Variants in FNTB observed in about 807,000 individuals in gnomAD.
FNTB encodes the protein farnesyltransferase, CAAX box, subunit beta.
In FNTB, 27 loss-of-function variants were observed where a neutral mutation model predicts 59.4. The observed-to-expected ratio is 0.45, with a 90% CI of 0.34 to 0.63. The LOEUF is 0.63. Ranked by LOEUF, FNTB falls within the 20% of genes least tolerant of loss-of-function variation. FNTB has a pLI of 0.02. For synonymous variants in FNTB, 230 were observed against 220.7 expected, an observed-to-expected ratio of 1.04 and a Z score of -0.37; for missense variants, 449 against 559.6, an observed-to-expected ratio of 0.80 and a Z score of 1.99.
chr14:65,015,538 G>T, intron 3 of FNTB, 87 bp from the exon 4 acceptor site: 1 of 1,416,184 alleles, frequency 7.1e-7, no homozygotes, highest in Middle Eastern at 1.9e-4. Flanking sequence ...TTGCCAGGCT[G>T]CTGGGAGTGA....
chr14:65,059,019 T>C (rs2062803676), intron 11 of FNTB, among the ~76,000 whole-genome samples: 1 of 152,182 alleles, frequency 6.6e-6, no homozygotes, highest in South Asian at 2.1e-4. Flanking sequence ...TCTTACCTTT[T>C]TTCTTTTTCT....
chr14:65,049,849 C>CA (rs1418116222), intron 9 of FNTB, among the ~76,000 whole-genome samples: 1 of 151,998 alleles, frequency 6.6e-6, no homozygotes, highest in Non-Finnish European at 1.5e-5. Flanking sequence ...AGTTGCGAAC[C>CA]ATCATGACAA....
In FNTB at chr14:65,012,441, C is replaced by T; in HGVS notation, c.282+52C>T. 1 of 1,608,604 alleles carries T rather than the reference C, an allele frequency of 6.2e-7. No individual in the cohort carries two copies. Among genetic ancestry groups the T allele is most frequent in the Non-Finnish European group, 8.5e-7 (1 of 1,175,664 alleles). ...CTGTCAAATTATCCACCAAATCCTC[C>T]TCCTTTTTCTATTTAAACGTAAAAG... On this transcript the variant is annotated intron_variant, in intron 3 of 11. Transcript: ENST00000246166. The surrounding 1 kb of genome is among the most constrained non-coding windows in gnomAD (Gnocchi z 5.0).
chr14:64,997,858 G>A lies in FNTB; in HGVS notation c.145-6391G>A, dbSNP rs1888460303. 6.6e-6 allele frequency among the ~76,000 whole-genome samples: 1 copy of A among 152,192 alleles called. No homozygotes were observed. ...CAAATGGAGATTTCCTTTTATAGAT[G>A]TAATTTTCCCTTACAAATGAGGTAA... On this transcript the variant is annotated intron_variant, in intron 1 of 11. Coordinates refer to ENST00000246166, the MANE Select transcript of FNTB (RefSeq NM_002028.4). This position sits in a 1 kb window ranked among gnomAD's most constrained non-coding sequence, Gnocchi z 4.5.
At chr14:65,020,472 C>G (rs137953315) in intron 4 of FNTB, among the ~76,000 whole-genome samples, 1 of 152,132 alleles carries the variant, frequency 6.6e-6, no homozygotes, top group Non-Finnish European at 1.5e-5. Flanking sequence ...GTTGCCCAGA[C>G]TGGAGTGCAG....
intron 4 of FNTB, among the ~76,000 whole-genome samples, chr14:65,019,048 C>T (rs1180118552): frequency 6.6e-6 from 1 of 152,130 alleles, no homozygotes; most frequent in African/African-American, 2.4e-5. Flanking sequence ...TCTGTTACTG[C>T]ACTCCCGGCT....
chr14:65,034,864 T>C (rs1412127536), intron 7 of FNTB, among the ~76,000 whole-genome samples: 1 of 152,198 alleles, frequency 6.6e-6, no homozygotes, highest in Non-Finnish European at 1.5e-5. Flanking sequence ...CATTGTGATA[T>C]GATGGTGGAG....
At chr14:65,049,660 A>AT (rs2062563508) in intron 9 of FNTB, among the ~76,000 whole-genome samples, 2 of 152,298 alleles carry the variant, frequency 1.3e-5, no homozygotes, top group South Asian at 4.1e-4. Flanking sequence ...TCAGACTCTA[A>AT]TTTTAGCCAC....
At chr14:65,019,392 CAGG>C (rs2061845069) in intron 4 of FNTB, among the ~76,000 whole-genome samples, 1 of 151,796 alleles carries the variant, frequency 6.6e-6, no homozygotes, top group South Asian at 2.1e-4. Context: ...GAGACTGAAG[CAGG>C]AGAATTGCTT....
chr14:65,054,814 C>T lies in FNTB; in HGVS notation c.1182+125C>T, dbSNP rs966004826. The T allele has an allele frequency of 1.2e-5, 13 of 1,063,012 alleles. No homozygotes were observed. The highest frequency in any genetic ancestry group is 1.8e-5 in the Non-Finnish European group (13 of 736,320). 65.8% of individuals were successfully genotyped at this position (1,063,012 alleles called of 1,614,324 possible). ...CAGGCGGAAGCTTGTGGTCCCTCTG[C>T]CCTTCGAGCTGTGCAGCCGTTAGTG... is the stretch of plus-strand genomic sequence containing the variant. On this transcript the variant is annotated intron_variant, in intron 11 of 11. Coordinates refer to ENST00000246166, the MANE Select transcript of FNTB (RefSeq NM_002028.4). This position sits in a 1 kb window ranked among gnomAD's most constrained non-coding sequence, Gnocchi z 4.4.
chr14:64,988,914 G>A (rs117960406), intron 1 of FNTB, among the ~76,000 whole-genome samples: 1,799 of 152,122 alleles, frequency 0.012, 17 homozygotes, highest in South Asian at 0.019. Flanking sequence ...TCATGTTAGT[G>A]ACCATTTATT....
Position 65,028,124 on chromosome 14 carries a change from G to A in FNTB, c.605+343G>A, listed in dbSNP as rs1436101415. Reference sequence around the variant, plus strand: ...TCACCTCTCTGAGATAGGAAGGGAGGGGAAAGTCCAGCAGGGCCTCAGTAA... The same window carrying A: ...TCACCTCTCTGAGATAGGAAGGGAGAGGAAAGTCCAGCAGGGCCTCAGTAA... On this transcript the variant is annotated intron_variant, in intron 6 of 11. Transcript: ENST00000246166. This position sits in a 1 kb window ranked among gnomAD's most constrained non-coding sequence, Gnocchi z 4.4. Among the ~76,000 whole-genome samples the A allele has an allele frequency of 1.3e-5, 2 of 152,148 alleles. No homozygotes were observed. The highest frequency in any genetic ancestry group is 2.9e-5 in the Non-Finnish European group (2 of 68,032).
chr14:65,015,349 C>G (rs941078781), intron 3 of FNTB, among the ~76,000 whole-genome samples: 3 of 151,636 alleles, frequency 2.0e-5, no homozygotes, highest in Non-Finnish European at 2.9e-5. Context: ...ATGATCCACC[C>G]ACCTTGGCCT....
rs2061688256 is a variant in FNTB at position 65,011,843 on chromosome 14, G to T, written c.210-474G>T. Reference sequence around the variant, plus strand: ...TAATAGTTGGATAACCGAGAGGCAGGCAGGGAGTAAATTATGGGCCTTGGA... The same window carrying T: ...TAATAGTTGGATAACCGAGAGGCAGTCAGGGAGTAAATTATGGGCCTTGGA... On this transcript the variant is annotated intron_variant, in intron 2 of 11. Transcript: ENST00000246166. This position sits in a 1 kb window ranked among gnomAD's most constrained non-coding sequence, Gnocchi z 4.0. Among the ~76,000 whole-genome samples the T allele has an allele frequency of 6.6e-6, 1 of 152,226 alleles. No homozygotes were observed. Among genetic ancestry groups the T allele is most frequent in the Admixed American group, 6.5e-5 (1 of 15,280 alleles).
rs1348570411 is a variant in FNTB at position 65,023,140 on chromosome 14, C to G, written c.375-4313C>G. Among the ~76,000 whole-genome samples, 1 of 152,188 alleles carries G rather than the reference C, an allele frequency of 6.6e-6. No homozygotes were observed. Among genetic ancestry groups the G allele is most frequent in the African/African-American group, 2.4e-5 (1 of 41,442 alleles). On this transcript the variant is annotated intron_variant, in intron 4 of 11. Coordinates refer to ENST00000246166, the MANE Select transcript of FNTB (RefSeq NM_002028.4). This position sits in a 1 kb window ranked among gnomAD's most constrained non-coding sequence, Gnocchi z 4.1. ...TGGCACAATCACAGCTCACTGCAAC[C>G]TGGACTTCCCCAAGCTCAAGTGATC... is the stretch of plus-strand genomic sequence containing the variant.
rs2062691248 is a variant in FNTB, at chr14:65,054,734, C to T, written c.1182+45C>T. 3.9e-6 allele frequency: 6 copies of T among 1,556,686 alleles called. No homozygotes were observed. Among genetic ancestry groups the T allele is most frequent in the Admixed American group, 1.9e-5 (1 of 52,582 alleles). On this transcript the variant is annotated intron_variant, in intron 11 of 11. Coordinates refer to ENST00000246166, the MANE Select transcript of FNTB (RefSeq NM_002028.4). This position sits in a 1 kb window ranked among gnomAD's most constrained non-coding sequence, Gnocchi z 4.4. ...TCACACCCCTTCTCCACAGGGACCT[C>T]GCGGACAGAAGGCTTTCCAAGTAAG... is the stretch of plus-strand genomic sequence containing the variant.
At chr14:65,006,296 A>G (rs1237210352) in intron 2 of FNTB, 1 of 1,613,140 alleles carries the variant, frequency 6.2e-7, no homozygotes, top group Non-Finnish European at 8.5e-7. Context: ...TGGGGAAGGA[A>G]AGGAGGAAAA....
At chr14:65,006,639 G>C (rs73268758) in intron 2 of FNTB, among the ~76,000 whole-genome samples, 1,594 of 152,318 alleles carry the variant, frequency 0.01, 26 homozygotes, top group East Asian at 0.081. Flanking sequence ...CGATCGGGCT[G>C]AGTCACTGTC....
rs577099550 is a variant in FNTB, at chr14:65,054,224, T to C, written c.1068-351T>C. Among the ~76,000 whole-genome samples the C allele has an allele frequency of 2.0e-5, 3 of 152,240 alleles. No individual in the cohort carries two copies. In the East Asian group the frequency reaches 5.8e-4, roughly 30 times the overall value. On this transcript the variant is annotated intron_variant, in intron 10 of 11. Coordinates refer to ENST00000246166, the MANE Select transcript of FNTB (RefSeq NM_002028.4). The surrounding 1 kb of genome is among the most constrained non-coding windows in gnomAD (Gnocchi z 4.4). ...ACCTCTTGGGCTCGAGTGATCCTCC[T>C]GCTTCAGCCTCCCAAGTAACTGGAA...
Sources: gnomAD v4.1 joint callset for allele counts (sites outside exome capture counted in the v4.1 genomes callset) on GRCh38, gnomAD v4.1.1 for gene constraint, Gnocchi (gnomAD v3.1) non-coding constraint, MANE v1.5 for transcripts, NCBI Gene and HGNC (gene_info 2026-07-23, HGNC 2026-07-21) for gene names.